Variants in TUNAR observed in about 807,000 individuals in gnomAD.
TUNAR encodes protein TUNAR.
intron 2 of TUNAR, among the ~76,000 whole-genome samples, chr14:95,915,738 G>A (rs772846492): frequency 2.6e-5 from 4 of 152,208 alleles, no homozygotes; most frequent in Admixed American, 2.6e-4. Flanking sequence ...CTGTATACTC[G>A]TGGTTTATTT....
chr14:95,893,950 C>G (rs1889219559), intron 2 of TUNAR, among the ~76,000 whole-genome samples: 1 of 152,224 alleles, frequency 6.6e-6, no homozygotes. Flanking sequence ...CATGGTGGGT[C>G]CAGTGTGTGC....
At chr14:95,880,224 G>C (rs1441524530) in intron 2 of TUNAR, among the ~76,000 whole-genome samples, 1 of 152,136 alleles carries the variant, frequency 6.6e-6, no homozygotes, top group Non-Finnish European at 1.5e-5. Flanking sequence ...GGGTATAGCT[G>C]GTTATTAATA....
intron 2 of TUNAR, among the ~76,000 whole-genome samples, chr14:95,879,390 A>G (rs1888941380): frequency 1.3e-5 from 2 of 152,230 alleles, no homozygotes; most frequent in South Asian, 4.1e-4. Flanking sequence ...ATGTAGGGAT[A>G]TTAATCTCCC....
intron 2 of TUNAR, among the ~76,000 whole-genome samples, chr14:95,909,505 G>C (rs181538334): frequency 6.6e-6 from 1 of 151,968 alleles, no homozygotes; most frequent in Non-Finnish European, 1.5e-5. Flanking sequence ...GGATGGTCTC[G>C]ATCTCCTGAC....
chr14:95,880,145 T>C (rs74085716), intron 2 of TUNAR, among the ~76,000 whole-genome samples: 2,818 of 152,324 alleles, frequency 0.018, 55 homozygotes, highest in East Asian at 0.08. Context: ...TACGTTTGCA[T>C]GTATATGTGT....
intron 2 of TUNAR, among the ~76,000 whole-genome samples, chr14:95,892,976 G>T (rs535103320): frequency 6.0e-4 from 91 of 152,330 alleles, no homozygotes; most frequent in African/African-American, 2.2e-3. Flanking sequence ...AAAGGTGGTA[G>T]ATTTGGGCAA....
At chr14:95,887,260 C>G (rs1339426915) in intron 2 of TUNAR, among the ~76,000 whole-genome samples, 1 of 152,216 alleles carries the variant, frequency 6.6e-6, no homozygotes, top group Non-Finnish European at 1.5e-5. Flanking sequence ...TGTCTCTTCC[C>G]TGGATCCTCA....
intron 2 of TUNAR, among the ~76,000 whole-genome samples, chr14:95,886,133 G>C (rs973981492): frequency 6.6e-6 from 1 of 152,214 alleles, no homozygotes; most frequent in Non-Finnish European, 1.5e-5. Context: ...ATGCATTCAG[G>C]CTGCTCCTGG....
chr14:95,885,989 T>C (rs753522238), intron 2 of TUNAR, among the ~76,000 whole-genome samples: 1 of 152,004 alleles, frequency 6.6e-6, no homozygotes, highest in Non-Finnish European at 1.5e-5. Flanking sequence ...CTGCTGGGGC[T>C]CGGAAGGAAA....
At chr14:95,898,364 C>G (rs149699884) in intron 2 of TUNAR, among the ~76,000 whole-genome samples, 1 of 152,250 alleles carries the variant, frequency 6.6e-6, no homozygotes, top group African/African-American at 2.4e-5. Context: ...CAGGGTGGGT[C>G]TTCATTTATT....
At chr14:95,924,471 G>T (rs1374189610) in exon 3 of TUNAR, 1 of 152,238 alleles carries the variant, frequency 6.6e-6, no homozygotes, top group East Asian at 1.9e-4. Context: ...TTCTGCCATT[G>T]CCAGCTGTAT....
At chr14:95,893,292 G>A (rs921185039) in intron 2 of TUNAR, among the ~76,000 whole-genome samples, 12 of 152,270 alleles carry the variant, frequency 7.9e-5, no homozygotes, top group African/African-American at 2.9e-4. Context: ...AGTTAGGGTT[G>A]CAGGATGGGA....
Position 95,895,694 on chromosome 14 carries a change from G to GC in TUNAR, c.12+18518dup, listed in dbSNP as rs1009858099. Reference sequence around the variant, plus strand: ...CTCTCTGGCATCTTCCTCACCCCCAGCACCCTATGCACCAGACCTTGGGAA... The same window carrying GC: ...CTCTCTGGCATCTTCCTCACCCCCAGCCACCCTATGCACCAGACCTTGGGAA... On this transcript the variant is annotated intron_variant, in intron 2 of 2. Transcript: ENST00000678517. This position sits in a 1 kb window ranked among gnomAD's most constrained non-coding sequence, Gnocchi z 4.5. 12 of 152,324 alleles carry GC rather than the reference G, an allele frequency of 7.9e-5. No individual in the cohort carries two copies. The highest frequency in any genetic ancestry group is 2.9e-4 in the African/African-American group (12 of 41,418). The allele number at this position is 152,324 out of a possible 1,614,324, so 9.4% of individuals were successfully genotyped here.
chr14:95,905,290 A>G (rs1247802200), intron 2 of TUNAR, among the ~76,000 whole-genome samples: 2 of 152,046 alleles, frequency 1.3e-5, no homozygotes, highest in Non-Finnish European at 2.9e-5. Flanking sequence ...TTTTCCCACA[A>G]ATGTCCTTCC....
intron 2 of TUNAR, among the ~76,000 whole-genome samples, chr14:95,883,989 C>T (rs1026247624): frequency 5.9e-5 from 9 of 151,982 alleles, no homozygotes; most frequent in South Asian, 2.1e-4. Flanking sequence ...TCCTGGGTGT[C>T]GAATCAGTAA....
chr14:95,921,933 A>G (rs948603657), intron 2 of TUNAR, among the ~76,000 whole-genome samples: 6 of 151,892 alleles, frequency 4.0e-5, no homozygotes, highest in Non-Finnish European at 7.4e-5. Context: ...TCACCATCAT[A>G]TAATATTCCA....
intron 2 of TUNAR, among the ~76,000 whole-genome samples, chr14:95,898,519 A>T (rs969459860): frequency 1.3e-5 from 2 of 152,146 alleles, no homozygotes; most frequent in Non-Finnish European, 2.9e-5. Context: ...CAGCTCTAAA[A>T]TCTTCCAGAA....
At chr14:95,898,906 G>T (rs1889304962) in intron 2 of TUNAR, among the ~76,000 whole-genome samples, 3 of 152,154 alleles carry the variant, frequency 2.0e-5, no homozygotes, top group African/African-American at 7.2e-5. Context: ...AAGTCTAGCA[G>T]CTGTTGTGAG....
chr14:95,891,721 A>G (rs1889183409), intron 2 of TUNAR, among the ~76,000 whole-genome samples: 1 of 152,256 alleles, frequency 6.6e-6, no homozygotes, highest in Non-Finnish European at 1.5e-5. Context: ...TAGGGTTGCC[A>G]TAACAATACC....
Sources: gnomAD v4.1 joint callset for allele counts (sites outside exome capture counted in the v4.1 genomes callset) on GRCh38, gnomAD v4.1.1 for gene constraint, Gnocchi (gnomAD v3.1) non-coding constraint, MANE v1.5 for transcripts, NCBI Gene and HGNC (gene_info 2026-07-23, HGNC 2026-07-21) for gene names.